NEO1: variants seen among roughly 807,000 people sequenced by gnomAD.
The protein encoded by NEO1 is neogenin.
In NEO1, 63 loss-of-function variants were observed where a neutral mutation model predicts 159.7. The ratio of observed to expected loss-of-function variants is 0.39; its 90% CI spans 0.32 to 0.49. The LOEUF (loss-of-function observed/expected upper bound fraction) is 0.49, where lower values mean the gene tolerates loss of function less well. Ranked by LOEUF, NEO1 falls within the 20% of genes least tolerant of loss-of-function variation. The probability of loss-of-function intolerance (pLI) is 0.85; values close to 1 mark genes in which losing one functional copy is unlikely to be tolerated. For missense variants in NEO1, 1,615 were observed against 1,831.0 expected (o/e 0.88, Z 2.15); for synonymous variants, 633 against 662.0 (o/e 0.96, Z 0.67).
intron 13 of NEO1, among the ~76,000 whole-genome samples, chr15:73,257,336 G>A (rs1263673393): frequency 1.3e-5 from 2 of 150,432 alleles, no homozygotes; most frequent in African/African-American, 2.4e-5. Context: ...AACATTTGAT[G>A]TGTAAGCAAA....
At chr15:73,157,816 A>C (rs1247073937) in intron 5 of NEO1, among the ~76,000 whole-genome samples, 1 of 151,580 alleles carries the variant, frequency 6.6e-6, no homozygotes, top group Non-Finnish European at 1.5e-5. Context: ...ATCTTATCCT[A>C]ACTCTGTTTT....
intron 24 of NEO1, chr15:73,288,930 A>G (rs2042054543): frequency 7.0e-6 from 4 of 571,446 alleles, no homozygotes; most frequent in South Asian, 2.1e-5. Context: ...CCTGTGAAGT[A>G]TGGTGGGCAG....
intron 7 of NEO1, among the ~76,000 whole-genome samples, chr15:73,182,770 C>G (rs2035688114): frequency 6.6e-6 from 1 of 152,080 alleles, no homozygotes. Context: ...TAGGTCCCTT[C>G]CACAACACGT....
chr15:73,130,308 G>GCCCCCC lies in NEO1; in HGVS notation c.878+3741_878+3746dup, dbSNP rs71281951. On this transcript the variant is annotated intron_variant, in intron 4 of 28. Transcript: ENST00000261908. ...GTTAGTTCTGTGGGCTCAGTTTCCC[G>GCCCCCC]CCCCCCCCGCCGCATAAGACCCTTT... Among the ~76,000 whole-genome samples the GCCCCCC allele has an allele frequency of 9.9e-4, 145 of 145,946 alleles. 2 individuals are homozygous for GCCCCCC. The highest frequency in any genetic ancestry group is 3.5e-3 in the Middle Eastern group (1 of 288).
intron 1 of NEO1, among the ~76,000 whole-genome samples, chr15:73,103,182 T>C (rs2070494473): frequency 6.6e-6 from 1 of 152,212 alleles, no homozygotes; most frequent in Admixed American, 6.5e-5. Context: ...TCTCCAATCT[T>C]GTTCCCTTTA....
At position 73,082,581 on chromosome 15, in the gene NEO1, A is replaced by AT. The variant is rs530946585; in HGVS notation, c.130+29787dup. On this transcript the variant is annotated intron_variant, in intron 1 of 28. Coordinates refer to ENST00000261908, the MANE Select transcript of NEO1 (RefSeq NM_002499.4). ...TAAGATGAAGTTCACAGAACAAAGG[A>AT]TTTTTTTTTTTGGAAAGAAAGCATT... is the stretch of plus-strand genomic sequence containing the variant. Among the ~76,000 whole-genome samples, 100 of 148,600 alleles carry AT rather than the reference A, an allele frequency of 6.7e-4. 5 individuals are homozygous for AT. Among genetic ancestry groups the AT allele is most frequent in the Middle Eastern group, 3.5e-3 (1 of 286 alleles).
At chr15:73,282,137 A>T (rs1317679201) in intron 22 of NEO1, among the ~76,000 whole-genome samples, 1 of 152,092 alleles carries the variant, frequency 6.6e-6, no homozygotes, top group African/African-American at 2.4e-5. Flanking sequence ...TGTATGATGG[A>T]ATCTTTCTTA....
intron 7 of NEO1, among the ~76,000 whole-genome samples, chr15:73,215,439 T>C (rs1024041253): frequency 5.3e-5 from 8 of 152,226 alleles, no homozygotes; most frequent in Non-Finnish European, 1.2e-4. Flanking sequence ...TTTTATTACA[T>C]TGAAGTATGT....
At chr15:73,296,679 G>A (rs183619971) in intron 26 of NEO1, among the ~76,000 whole-genome samples, 5 of 152,198 alleles carry the variant, frequency 3.3e-5, no homozygotes, top group Admixed American at 1.3e-4. Flanking sequence ...CCCTCCCCCC[G>A]CAGTGGAGGC....
chr15:73,069,009 A>G (rs1301869900), intron 1 of NEO1, among the ~76,000 whole-genome samples: 5 of 150,524 alleles, frequency 3.3e-5, no homozygotes, highest in South Asian at 2.1e-4. Flanking sequence ...CTGGAGTGCA[A>G]TGGGGTAATC....
intron 22 of NEO1, among the ~76,000 whole-genome samples, chr15:73,280,048 A>G (rs1175809495): frequency 6.6e-6 from 1 of 152,198 alleles, no homozygotes; most frequent in Non-Finnish European, 1.5e-5. Flanking sequence ...TCCATCTTTT[A>G]TTATCAACTG....
intron 1 of NEO1, among the ~76,000 whole-genome samples, chr15:73,082,593 GGAAA>G (rs1284679697): frequency 2.7e-5 from 4 of 148,930 alleles, no homozygotes; most frequent in East Asian, 1.9e-4. Flanking sequence ...TTTTTTTTTT[GGAAA>G]GAAAGCATTT....
At chr15:73,118,263 C>T (rs1205898252) in intron 2 of NEO1, among the ~76,000 whole-genome samples, 2 of 152,106 alleles carry the variant, frequency 1.3e-5, no homozygotes, top group Non-Finnish European at 2.9e-5. Context: ...TTCTTCCCCT[C>T]CTCCAGTCCA....
chr15:73,116,960 A>C, intron 2 of NEO1, 103 bp downstream of exon 2: 1 of 880,468 alleles, frequency 1.1e-6, no homozygotes, highest in Non-Finnish European at 1.7e-6. Flanking sequence ...TAGTAGCAAC[A>C]AATATACTCA....
intron 1 of NEO1, among the ~76,000 whole-genome samples, chr15:73,106,736 A>G (rs1400763326): frequency 6.6e-6 from 1 of 152,172 alleles, no homozygotes; most frequent in African/African-American, 2.4e-5. Flanking sequence ...TAGTTTTCCC[A>G]TTGTAAAATG....
At chr15:73,172,211 G>T (rs912048245) in intron 5 of NEO1, among the ~76,000 whole-genome samples, 5 of 152,266 alleles carry the variant, frequency 3.3e-5, no homozygotes, top group African/African-American at 1.2e-4. Context: ...TTTTTTAAAA[G>T]AATATAGGTT....
chr15:73,245,087 T>C (rs915775821), intron 9 of NEO1, among the ~76,000 whole-genome samples: 4 of 152,090 alleles, frequency 2.6e-5, no homozygotes, highest in Non-Finnish European at 4.4e-5. Flanking sequence ...CTAGAATCTT[T>C]CCTCTGATTC....
At chr15:73,069,646 T>G (rs1595904758) in intron 1 of NEO1, among the ~76,000 whole-genome samples, 1 of 152,052 alleles carries the variant, frequency 6.6e-6, no homozygotes, top group South Asian at 2.1e-4. Flanking sequence ...GGTTTATGGT[T>G]TATATATTTT....
Position 73,229,449 on chromosome 15 carries a change from T to C in NEO1, c.1292-6898T>C, listed in dbSNP as rs180749257. On this transcript the variant is annotated intron_variant, in intron 7 of 28. Coordinates refer to ENST00000261908, the MANE Select transcript of NEO1 (RefSeq NM_002499.4). The stretch of plus-strand genomic sequence containing the variant: ...TGCTAGCCTTATTTATTAGTTTTAG[T>C]TGTTTTTTTTTTTTTCAGTAGATTC... 1.2e-3 allele frequency among the ~76,000 whole-genome samples: 169 copies of C among 144,236 alleles called. 1 individual carries two copies. Among genetic ancestry groups the C allele is most frequent in the East Asian group, 8.7e-4 (3 of 3,454 alleles). 94.6% of individuals were successfully genotyped at this position (144,236 alleles called of 152,430 possible).
Sources: allele counts gnomAD v4.1 joint callset (sites outside exome capture counted in the v4.1 genomes callset), GRCh38; gene constraint gnomAD v4.1.1; transcripts MANE v1.5; gene names NCBI Gene and HGNC (gene_info 2026-07-23, HGNC 2026-07-21).